TANC2: variants seen among roughly 807,000 people sequenced by gnomAD.
TANC2 encodes the protein protein TANC2.
TANC2 carries 26 observed loss-of-function variants against 210.5 expected under a neutral mutation model. That is an observed-to-expected ratio of 0.12 (90% CI 0.09 to 0.17). TANC2 has a LOEUF of 0.17. Ranked by LOEUF, TANC2 falls within the 10% of genes least tolerant of loss-of-function variation. TANC2 has a pLI of 1.00. For missense variants in TANC2, 2,129 were observed against 2,608.9 expected (o/e 0.82, Z 4.01); for synonymous variants, 931 against 967.1 (o/e 0.96, Z 0.69).
chr17:63,183,866 A>C (rs2040878678), intron 5 of TANC2, among the ~76,000 whole-genome samples: 1 of 152,158 alleles, frequency 6.6e-6, no homozygotes, highest in Non-Finnish European at 1.5e-5. Context: ...AAATACAAAA[A>C]ATTAGCCGGG....
chr17:63,085,724 A>G (rs2036938856), intron 3 of TANC2, among the ~76,000 whole-genome samples: 1 of 152,146 alleles, frequency 6.6e-6, no homozygotes, highest in South Asian at 2.1e-4. Context: ...ACATATACAC[A>G]TAGCACACAC....
intron 5 of TANC2, among the ~76,000 whole-genome samples, chr17:63,167,595 C>T (rs2040252849): frequency 6.6e-6 from 1 of 151,994 alleles, no homozygotes; most frequent in South Asian, 2.1e-4. Context: ...ACTACACTTA[C>T]ATACAAAATT....
At chr17:63,212,898 A>G (rs1340642211) in intron 7 of TANC2, among the ~76,000 whole-genome samples, 1 of 152,222 alleles carries the variant, frequency 6.6e-6, no homozygotes, top group African/African-American at 2.4e-5. Context: ...TTTTCAACAA[A>G]TCTGTCAGCA....
At chr17:63,360,835 A>C (rs1323154696) in intron 14 of TANC2, among the ~76,000 whole-genome samples, 1 of 151,768 alleles carries the variant, frequency 6.6e-6, no homozygotes, top group African/African-American at 2.4e-5. Context: ...CCTACTCTCT[A>C]TCTCCATGAG....
At chr17:63,399,623 GA>G (rs1202359677) in intron 19 of TANC2, among the ~76,000 whole-genome samples, 2 of 152,184 alleles carry the variant, frequency 1.3e-5, no homozygotes, top group Non-Finnish European at 2.9e-5. Flanking sequence ...CCAGGGCAAT[GA>G]AAACTGTAGA....
At chr17:63,077,220 G>C (rs575081347) in intron 3 of TANC2, among the ~76,000 whole-genome samples, 1 of 152,276 alleles carries the variant, frequency 6.6e-6, no homozygotes, top group Admixed American at 6.5e-5. Flanking sequence ...AGCATCTTCA[G>C]TATTCTGAAG....
Position 63,421,384 on chromosome 17 carries a change from C to T in TANC2, c.5654C>T (p.Pro1885Leu). 1 of 1,613,976 alleles carries T rather than the reference C, an allele frequency of 6.2e-7. No individual in the cohort carries two copies. The highest frequency in any genetic ancestry group is 8.5e-7 in the Non-Finnish European group (1 of 1,179,868). ...TCCAACCTAACTCCGACCTTCCGGCCATCTTCTTCCATCCAGCAAATGGAG... is the reference window on the plus strand; with the variant it reads ...TCCAACCTAACTCCGACCTTCCGGCTATCTTCTTCCATCCAGCAAATGGAG... The change falls in exon 28 of 28, where the codon CCA becomes CTA. Residue 1885 changes from proline to leucine, a missense_variant. Physicochemically the swap from Pro to Leu is moderately conservative, Grantham distance 98 (BLOSUM62 -3). This residue lies in a region of TANC2 where 584 missense variants were observed against 627.3 expected (regional missense o/e 0.93). Transcript: ENST00000689528. The surrounding 1 kb of genome is among the most constrained non-coding windows in gnomAD (Gnocchi z 6.9).
chr17:63,299,958 T>C (rs1019343116), intron 9 of TANC2, among the ~76,000 whole-genome samples: 2 of 152,218 alleles, frequency 1.3e-5, no homozygotes, highest in Non-Finnish European at 2.9e-5. Flanking sequence ...TTAATTTTTG[T>C]ATAAGGTGTA....
chr17:63,368,985 T>G (rs1178170930), intron 14 of TANC2, among the ~76,000 whole-genome samples: 1 of 152,194 alleles, frequency 6.6e-6, no homozygotes, highest in Non-Finnish European at 1.5e-5. Flanking sequence ...AACCCATATC[T>G]TTTTAGTTGC....
At chr17:63,363,534 G>T (rs1475255602) in intron 14 of TANC2, among the ~76,000 whole-genome samples, 1 of 152,172 alleles carries the variant, frequency 6.6e-6, no homozygotes, top group Non-Finnish European at 1.5e-5. Flanking sequence ...TTTGATTTTT[G>T]TATATGGTGA....
At chr17:63,223,152 G>C (rs1261520355) in intron 7 of TANC2, among the ~76,000 whole-genome samples, 4 of 152,130 alleles carry the variant, frequency 2.6e-5, no homozygotes. Flanking sequence ...TGCTTAATGG[G>C]TATGAAGTTT....
At chr17:63,095,294 G>A (rs887128246) in intron 3 of TANC2, among the ~76,000 whole-genome samples, 4 of 152,030 alleles carry the variant, frequency 2.6e-5, no homozygotes, top group Admixed American at 6.6e-5. Context: ...TCCTACTTCA[G>A]CCTTCCGAGT....
At chr17:63,065,761 A>G (rs190367015) in intron 2 of TANC2, among the ~76,000 whole-genome samples, 1 of 152,128 alleles carries the variant, frequency 6.6e-6, no homozygotes, top group Admixed American at 6.5e-5. Flanking sequence ...TTCTCTTGCT[A>G]TTGAATTGAG....
intron 9 of TANC2, among the ~76,000 whole-genome samples, chr17:63,309,157 CA>C (rs1227941117): frequency 1.3e-5 from 2 of 151,928 alleles, no homozygotes; most frequent in East Asian, 3.9e-4. Flanking sequence ...ATACATGCTG[CA>C]AAAAATGTGA....
intron 2 of TANC2, among the ~76,000 whole-genome samples, chr17:63,033,454 G>T (rs546768163): frequency 6.6e-6 from 1 of 152,220 alleles, no homozygotes; most frequent in South Asian, 2.1e-4. Flanking sequence ...AGTAGCTCTT[G>T]TGTCTATTAC....
intron 2 of TANC2, among the ~76,000 whole-genome samples, chr17:63,063,191 A>G (rs2036058091): frequency 6.6e-6 from 1 of 152,228 alleles, no homozygotes; most frequent in Admixed American, 6.5e-5. Flanking sequence ...AGGGTATTGG[A>G]TAAAGAGCCC....
chr17:63,101,720 G>C (rs1026225408), intron 4 of TANC2, among the ~76,000 whole-genome samples: 21 of 152,176 alleles, frequency 1.4e-4, no homozygotes, highest in African/African-American at 5.1e-4. Context: ...ATTTTAAATG[G>C]TGGCAACTAC....
chr17:63,241,187 A>G (rs1256169221), intron 8 of TANC2, among the ~76,000 whole-genome samples: 2 of 152,198 alleles, frequency 1.3e-5, no homozygotes, highest in Non-Finnish European at 2.9e-5. Flanking sequence ...TAAGCTCTAT[A>G]TGAGATGGTA....
chr17:63,130,279 C>T (rs760427169), intron 4 of TANC2, among the ~76,000 whole-genome samples: 10 of 152,060 alleles, frequency 6.6e-5, no homozygotes, highest in African/African-American at 1.2e-4. Flanking sequence ...GAGGCCAAGC[C>T]GGGTGGATTG....
Sources: allele counts gnomAD v4.1 joint callset (sites outside exome capture counted in the v4.1 genomes callset), GRCh38; gene constraint gnomAD v4.1.1; regional missense constraint gnomAD v4.1.1; non-coding constraint Gnocchi (gnomAD v3.1); transcripts MANE v1.5; gene names NCBI Gene and HGNC (gene_info 2026-07-23, HGNC 2026-07-21).